The following CLEC9A variants were observed in gnomAD, a reference collection of about 807,000 sequenced individuals.
CLEC9A encodes the protein C-type lectin domain family 9 member A.
Under a neutral mutation model 30.0 loss-of-function variants are expected in CLEC9A, and 24 were observed. The observed-to-expected ratio is 0.80, with a 90% CI of 0.58 to 1.13. CLEC9A has a LOEUF of 1.13. Ranked by LOEUF, CLEC9A falls within the 50% of genes most tolerant of loss-of-function variation. The pLI is 0.00. For synonymous variants in CLEC9A, 111 were observed against 96.8 expected (o/e 1.15, Z -0.86); for missense variants, 251 against 280.9 (o/e 0.89, Z 0.76).
chr12:10,040,852 C>A (rs553193030), intron 1 of CLEC9A: 2 of 191,582 alleles, frequency 1.0e-5, no homozygotes, highest in Non-Finnish European at 2.2e-5. Context: ...ATCTAGCTGT[C>A]ATGCAGCAAA....
chr12:10,046,456 G>A (rs899007412), intron 2 of CLEC9A, among the ~76,000 whole-genome samples: 6 of 152,120 alleles, frequency 3.9e-5, no homozygotes, highest in African/African-American at 1.4e-4. Flanking sequence ...TTCTCAACAA[G>A]GCCCAGAGGC....
intron 5 of CLEC9A, among the ~76,000 whole-genome samples, chr12:10,055,031 G>A (rs1361883583): frequency 6.6e-6 from 1 of 152,176 alleles, no homozygotes; most frequent in Non-Finnish European, 1.5e-5. Flanking sequence ...GAATAAGGAA[G>A]GGAAAGGTTC....
At chr12:10,034,889 C>G (rs1393665399) in intron 1 of CLEC9A, among the ~76,000 whole-genome samples, 1 of 152,184 alleles carries the variant, frequency 6.6e-6, no homozygotes, top group Non-Finnish European at 1.5e-5. Flanking sequence ...AGACCCCTAC[C>G]TTATAGCAAG....
At chr12:10,049,764 C>T (rs1460728905) in intron 2 of CLEC9A, among the ~76,000 whole-genome samples, 2 of 152,190 alleles carry the variant, frequency 1.3e-5, no homozygotes, top group Non-Finnish European at 2.9e-5. Flanking sequence ...CTATCTAGAC[C>T]ACTAAGCTTT....
At chr12:10,033,038 C>T (rs1865713749) in intron 1 of CLEC9A, among the ~76,000 whole-genome samples, 1 of 151,932 alleles carries the variant, frequency 6.6e-6, no homozygotes, top group South Asian at 2.1e-4. Flanking sequence ...TCCACATGAA[C>T]ACATCTAATG....
rs190874093 is a variant in CLEC9A, at chr12:10,047,153, A to G, written c.-162-4838A>G. Among the ~76,000 whole-genome samples, 125 of 152,318 alleles carry G rather than the reference A, an allele frequency of 8.2e-4. 1 individual carries two copies. Among genetic ancestry groups the G allele is most frequent in the African/African-American group, 2.7e-3 (111 of 41,584 alleles). On this transcript the variant is annotated intron_variant, in intron 2 of 8. Transcript: ENST00000355819. ...CCTCAAATGTTACTTGCTACTTCAA[A>G]TGTCTACAGATCTTGGATTTGGAGT...
intron 5 of CLEC9A, among the ~76,000 whole-genome samples, chr12:10,056,512 C>T (rs1034135058): frequency 6.6e-6 from 1 of 152,038 alleles, no homozygotes; most frequent in Non-Finnish European, 1.5e-5. Context: ...TGCACATGTA[C>T]CCCCTGAATC....
chr12:10,039,880 A>G (rs1431726955), intron 1 of CLEC9A, among the ~76,000 whole-genome samples: 1 of 151,552 alleles, frequency 6.6e-6, no homozygotes, highest in African/African-American at 2.4e-5. Flanking sequence ...GGAGTTGCAG[A>G]GGTGCTATTT....
chr12:10,045,032 A>G (rs1565590051), intron 2 of CLEC9A, among the ~76,000 whole-genome samples: 1 of 152,190 alleles, frequency 6.6e-6, no homozygotes, highest in African/African-American at 2.4e-5. Flanking sequence ...TCAGCTCAAA[A>G]ATATTGAATC....
At chr12:10,061,558 A>C (rs993355748) in intron 6 of CLEC9A, among the ~76,000 whole-genome samples, 1 of 152,232 alleles carries the variant, frequency 6.6e-6, no homozygotes, top group Non-Finnish European at 1.5e-5. Context: ...GCACAAAAAA[A>C]AATCGTTTTA....
intron 2 of CLEC9A, among the ~76,000 whole-genome samples, chr12:10,043,580 C>T (rs79902366): frequency 2.8e-3 from 414 of 150,112 alleles, no homozygotes; most frequent in African/African-American, 9.5e-3. Flanking sequence ...TATTCCCATT[C>T]ATTTCTATAT....
chr12:10,059,862 T>C (rs1335831350), intron 5 of CLEC9A, among the ~76,000 whole-genome samples: 2 of 152,104 alleles, frequency 1.3e-5, no homozygotes, highest in African/African-American at 4.8e-5. Context: ...AGTAAAAAAC[T>C]AGACCATCCA....
chr12:10,049,155 G>C (rs1333412644), intron 2 of CLEC9A, among the ~76,000 whole-genome samples: 1 of 151,004 alleles, frequency 6.6e-6, no homozygotes, highest in Non-Finnish European at 1.5e-5. Flanking sequence ...AAAAAAAAAG[G>C]TTTTTTTTTC....
chr12:10,059,357 A>C, intron 5 of CLEC9A, among the ~76,000 whole-genome samples: 1 of 152,216 alleles, frequency 6.6e-6, no homozygotes, highest in East Asian at 1.9e-4. Context: ...ATCCATAGGA[A>C]AGAAAAAAAG....
intron 2 of CLEC9A, among the ~76,000 whole-genome samples, chr12:10,042,528 C>T (rs536239468): frequency 2.6e-5 from 4 of 152,166 alleles, no homozygotes; most frequent in Non-Finnish European, 5.9e-5. Context: ...TGTGCTGAAA[C>T]TATTCCAGGA....
At chr12:10,048,546 A>C (rs952767666) in intron 2 of CLEC9A, among the ~76,000 whole-genome samples, 1 of 152,258 alleles carries the variant, frequency 6.6e-6, no homozygotes, top group East Asian at 1.9e-4. Context: ...AAGTTTATGC[A>C]GTATTTGAAA....
At chr12:10,059,159 T>C (rs1409810410) in intron 5 of CLEC9A, among the ~76,000 whole-genome samples, 2 of 152,230 alleles carry the variant, frequency 1.3e-5, no homozygotes, top group Admixed American at 1.3e-4. Flanking sequence ...TAGAATCAAT[T>C]TGCCTGATTT....
intron 7 of CLEC9A, among the ~76,000 whole-genome samples, 171 bp from the exon 8 acceptor site, chr12:10,064,561 C>T (rs577700660): frequency 2.6e-5 from 4 of 152,114 alleles, no homozygotes; most frequent in South Asian, 4.1e-4. Context: ...ATACAGCAAT[C>T]GAAAATAGTC....
chr12:10,065,790 C>A lies in CLEC9A; in HGVS notation c.*158C>A. 1 of 649,966 alleles carries A rather than the reference C, an allele frequency of 1.5e-6. No individual in the cohort carries two copies. The highest frequency in any genetic ancestry group is 2.5e-6 in the Non-Finnish European group (1 of 394,738). 40.3% of individuals were successfully genotyped at this position (649,966 alleles called of 1,614,324 possible). ...CAATAATACACTTGGGAATATTCTT[C>A]CACACCGTCCAGATTTCATTTGATG... On this transcript the variant is annotated 3_prime_UTR_variant, in exon 9 of 9. Transcript: ENST00000355819.
Sources: gnomAD v4.1 joint callset for allele counts (sites outside exome capture counted in the v4.1 genomes callset) on GRCh38, gnomAD v4.1.1 for gene constraint, MANE v1.5 for transcripts, NCBI Gene and HGNC (gene_info 2026-07-23, HGNC 2026-07-21) for gene names.